GRM7: variants seen among roughly 807,000 people sequenced by gnomAD.
GRM7 encodes metabotropic glutamate receptor 7.
Under a neutral mutation model 84.5 loss-of-function variants are expected in GRM7, and 35 were observed. The observed-to-expected ratio is 0.41, with a 90% CI of 0.32 to 0.55. The LOEUF (loss-of-function observed/expected upper bound fraction) is 0.55, where lower values mean the gene tolerates loss of function less well. Ranked by LOEUF, GRM7 falls within the 20% of genes least tolerant of loss-of-function variation. The probability of loss-of-function intolerance (pLI) is 0.19; values close to 1 mark genes in which losing one functional copy is unlikely to be tolerated. For synonymous variants in GRM7, 487 were observed against 455.1 expected (o/e 1.07, Z -0.89); for missense variants, 1,003 against 1,194.6 (o/e 0.84, Z 2.36).
chr3:7,045,619 A>G (rs898769613), intron 1 of GRM7, among the ~76,000 whole-genome samples: 1 of 152,172 alleles, frequency 6.6e-6, no homozygotes, highest in African/African-American at 2.4e-5. Flanking sequence ...GACTTGGCAT[A>G]TAAGTGATAT....
At chr3:7,364,608 C>T (rs1693802894) in intron 4 of GRM7, among the ~76,000 whole-genome samples, 1 of 151,318 alleles carries the variant, frequency 6.6e-6, no homozygotes, top group South Asian at 2.1e-4. Context: ...TTTCTTCTAC[C>T]AGGAAATATA....
intron 1 of GRM7, among the ~76,000 whole-genome samples, chr3:7,110,591 T>TCACACACACACACACACACA (rs370212342): frequency 7.0e-6 from 1 of 143,636 alleles, no homozygotes; most frequent in Admixed American, 6.8e-5. Context: ...CGATACTCTG[T>TCACACACACACACACACACA]CACACACACA....
At chr3:7,599,365 T>C (rs758071391) in intron 8 of GRM7, among the ~76,000 whole-genome samples, 4 of 152,174 alleles carry the variant, frequency 2.6e-5, no homozygotes, top group Non-Finnish European at 5.9e-5. Context: ...ACCCTGGCTA[T>C]TGTAGGTCCC....
chr3:7,115,783 TAGA>T (rs1474601817), intron 1 of GRM7, among the ~76,000 whole-genome samples: 1 of 152,056 alleles, frequency 6.6e-6, no homozygotes, highest in Non-Finnish European at 1.5e-5. Context: ...TCTGTACAAA[TAGA>T]AGGTTTAGTA....
chr3:7,407,704 G>C (rs1695743028), intron 4 of GRM7, among the ~76,000 whole-genome samples: 1 of 152,192 alleles, frequency 6.6e-6, no homozygotes, highest in African/African-American at 2.4e-5. Context: ...AGTATAGTTT[G>C]ATAGCAAAAC....
In GRM7 at chr3:7,090,045, G is replaced by T. The variant is rs559371140; in HGVS notation, c.520-56407G>T. ...TCTGGCAGAGACGTGGTTTCACCAT[G>T]TTGGCCAGGCCAGTCTTGAACTCCT... On this transcript the variant is annotated intron_variant, in intron 1 of 9. Transcript: ENST00000357716. 6.6e-5 allele frequency among the ~76,000 whole-genome samples: 10 copies of T among 152,208 alleles called. No individual in the cohort carries two copies. The East Asian group carries it at 1.7e-3, about 27-fold the overall frequency.
intron 1 of GRM7, among the ~76,000 whole-genome samples, chr3:6,979,799 A>C (rs181180180): frequency 1.3e-5 from 2 of 152,324 alleles, no homozygotes. Flanking sequence ...TTGCATCAAC[A>C]TAATACATGT....
intron 5 of GRM7, among the ~76,000 whole-genome samples, chr3:7,433,212 C>A (rs1328729674): frequency 6.6e-6 from 1 of 152,144 alleles, no homozygotes; most frequent in Non-Finnish European, 1.5e-5. Context: ...ACATTCTTAT[C>A]TTGAGAATCA....
chr3:6,949,105 T>A (rs578213869), intron 1 of GRM7, among the ~76,000 whole-genome samples: 1 of 152,320 alleles, frequency 6.6e-6, no homozygotes, highest in South Asian at 2.1e-4. Flanking sequence ...ATTATGATGT[T>A]AGCTGGTTAT....
intron 7 of GRM7, among the ~76,000 whole-genome samples, chr3:7,490,691 A>G (rs1429489534): frequency 2.0e-5 from 3 of 152,312 alleles, no homozygotes; most frequent in Admixed American, 6.5e-5. Flanking sequence ...TAGACGATCT[A>G]TATTTGTTTA....
chr3:7,702,342 T>C (rs1023600436), intron 9 of GRM7, among the ~76,000 whole-genome samples: 4 of 152,234 alleles, frequency 2.6e-5, no homozygotes, highest in Non-Finnish European at 5.9e-5. Flanking sequence ...CCCATGTTGC[T>C]GGTCTTTGGA....
intron 4 of GRM7, among the ~76,000 whole-genome samples, chr3:7,323,695 A>C (rs866183309): frequency 1.3e-5 from 2 of 152,212 alleles, no homozygotes; most frequent in African/African-American, 4.8e-5. Context: ...TGGCCACATA[A>C]CGTGTCATGG....
intron 1 of GRM7, among the ~76,000 whole-genome samples, chr3:7,111,403 G>C (rs956715123): frequency 2.0e-5 from 3 of 152,142 alleles, no homozygotes; most frequent in African/African-American, 7.2e-5. Flanking sequence ...CTAGGAGTAT[G>C]TTACATGTAA....
At chr3:7,509,866 A>G (rs1048809736) in intron 7 of GRM7, among the ~76,000 whole-genome samples, 1 of 152,120 alleles carries the variant, frequency 6.6e-6, no homozygotes, top group East Asian at 1.9e-4. Context: ...GAGGAAGGAT[A>G]TAGAATCACC....
At chr3:7,251,028 A>G (rs181225721) in intron 2 of GRM7, among the ~76,000 whole-genome samples, 3 of 152,290 alleles carry the variant, frequency 2.0e-5, no homozygotes, top group Admixed American at 2.0e-4. Flanking sequence ...GGAGGTACAG[A>G]GTGAAAGGTG....
At chr3:6,927,465 GAAAGAAAGAAAGAAAGAAAGAAAGAA>G (rs779288232) in intron 1 of GRM7, among the ~76,000 whole-genome samples, 1,430 of 112,588 alleles carry the variant, frequency 0.013, 33 homozygotes, top group African/African-American at 0.039. Flanking sequence ...AAGAGAGAGA[GAAAGAAAGAAAGAAAGAAAGAAAGAA>G]AGAAAGAAAG....
chr3:7,349,149 T>C (rs1195069834), intron 4 of GRM7, among the ~76,000 whole-genome samples: 1 of 152,070 alleles, frequency 6.6e-6, no homozygotes, highest in Non-Finnish European at 1.5e-5. Context: ...TTACAGTCGA[T>C]TTCTGTGCTT....
intron 8 of GRM7, among the ~76,000 whole-genome samples, chr3:7,649,310 C>T (rs1490962255): frequency 6.6e-6 from 1 of 152,046 alleles, no homozygotes; most frequent in African/African-American, 2.4e-5. Context: ...ACCTCGTGAT[C>T]CTCCTGCCTC....
Position 7,486,189 on chromosome 3 carries a change from A to G in GRM7, c.1515+24467A>G, listed in dbSNP as rs1171041946. On this transcript the variant is annotated intron_variant, in intron 7 of 9. Coordinates refer to ENST00000357716, the MANE Select transcript of GRM7 (RefSeq NM_000844.4). This position sits in a 1 kb window ranked among gnomAD's most constrained non-coding sequence, Gnocchi z 5.5. ...TCTAAAAGTAGAAAAGAACAAGTAA[A>G]ATGTCATGAGTTTTCATAATTTTTT... is the stretch of plus-strand genomic sequence containing the variant. Among the ~76,000 whole-genome samples the G allele has an allele frequency of 2.6e-5, 4 of 152,156 alleles. No homozygotes were observed. The East Asian group carries it at 5.8e-4, about 22-fold the overall frequency.
Sources: gnomAD v4.1 joint callset for allele counts (sites outside exome capture counted in the v4.1 genomes callset) on GRCh38, gnomAD v4.1.1 for gene constraint, Gnocchi (gnomAD v3.1) non-coding constraint, MANE v1.5 for transcripts, NCBI Gene and HGNC (gene_info 2026-07-23, HGNC 2026-07-21) for gene names.